The following FRMD3 variants were observed in gnomAD, a reference collection of about 807,000 sequenced individuals.
The protein encoded by FRMD3 is FERM domain containing 3, also known as FERM domain-containing protein 3.
In FRMD3, 33 loss-of-function variants were observed where a neutral mutation model predicts 70.2. The ratio of observed to expected loss-of-function variants is 0.47; its 90% CI spans 0.36 to 0.63. FRMD3 has a LOEUF of 0.63. Among genes scored for constraint, FRMD3 ranks in the 20% least tolerant of loss-of-function variants. FRMD3 has a pLI of 0.00. For synonymous variants in FRMD3, 279 were observed against 255.9 expected, an observed-to-expected ratio of 1.09 and a Z score of -0.86; for missense variants, 632 against 711.4, an observed-to-expected ratio of 0.89 and a Z score of 1.27.
chr9:83,568,901 C>G, the FRMD3 span, among the ~76,000 whole-genome samples: 3 of 150,350 alleles, frequency 2.0e-5, no homozygotes, highest in Admixed American at 2.0e-4. Context: ...ATGTGAATAA[C>G]TACAACTTGT....
chr9:83,340,837 C>A (rs1823730762), intron 5 of FRMD3, among the ~76,000 whole-genome samples: 2 of 152,288 alleles, frequency 1.3e-5, no homozygotes, highest in East Asian at 1.9e-4. Context: ...CTCAAGAAAT[C>A]CTCCTGCCTC....
intron 3 of FRMD3, among the ~76,000 whole-genome samples, chr9:83,371,978 C>G (rs1190110431): frequency 1.3e-5 from 2 of 152,194 alleles, no homozygotes; most frequent in African/African-American, 4.8e-5. Flanking sequence ...CCTGAAAACC[C>G]TGCCCAGAAC....
chr9:83,521,051 A>G (rs1205261898), intron 1 of FRMD3, among the ~76,000 whole-genome samples: 1 of 151,738 alleles, frequency 6.6e-6, no homozygotes, highest in Non-Finnish European at 1.5e-5. Context: ...AGGCAGGAGA[A>G]TCACTTGAAC....
chr9:83,288,469 T>C (rs1282041322), intron 13 of FRMD3, among the ~76,000 whole-genome samples: 1 of 152,242 alleles, frequency 6.6e-6, no homozygotes, highest in African/African-American at 2.4e-5. Flanking sequence ...GTCTATATCA[T>C]GAAAGTTGTC....
the FRMD3 span, among the ~76,000 whole-genome samples, chr9:83,571,446 C>A: frequency 6.6e-6 from 1 of 152,144 alleles, no homozygotes; most frequent in Non-Finnish European, 1.5e-5. Context: ...CTTGAGCAAC[C>A]AAAAGGATGC....
chr9:83,389,844 C>T (rs1825617083), intron 1 of FRMD3, 136 bp from the exon 2 acceptor site: 1 of 626,554 alleles, frequency 1.6e-6, no homozygotes. Context: ...GAAGGGGCTT[C>T]CAAACTCTTT....
intron 6 of FRMD3, 148 bp from the exon 7 acceptor site, chr9:83,313,895 C>G (rs1392069730): frequency 6.4e-6 from 4 of 621,148 alleles, no homozygotes; most frequent in Non-Finnish European, 2.8e-6. Flanking sequence ...ATCATTATTT[C>G]TCACCACAAG....
chr9:83,382,054 T>TAA lies in FRMD3; in HGVS notation c.252+7548_252+7549dup, dbSNP rs143155738. On this transcript the variant is annotated intron_variant, in intron 2 of 13. Coordinates refer to ENST00000304195, the MANE Select transcript of FRMD3 (RefSeq NM_174938.6). ...GATAGTTTGAAAATGCCATAGGATGTAAAAAAAAAACATGTATTACTATTT... is the reference window on the plus strand; with the variant it reads ...GATAGTTTGAAAATGCCATAGGATGTAAAAAAAAAAAACATGTATTACTATTT... Among the ~76,000 whole-genome samples, 41 of 148,834 alleles carry TAA rather than the reference T, an allele frequency of 2.8e-4. No individual in the cohort carries two copies. In the East Asian group the frequency reaches 3.7e-3, roughly 14 times the overall value.
Position 83,244,889 on chromosome 9 carries a change from TTTAC to T in FRMD3, c.*3025_*3028del. 1.0e-6 allele frequency: 1 copy of T among 959,542 alleles called. No homozygotes were observed. Among genetic ancestry groups the T allele is most frequent in the Non-Finnish European group, 1.2e-6 (1 of 828,094 alleles). 59.4% of individuals were successfully genotyped at this position (959,542 alleles called of 1,614,324 possible). On this transcript the variant is annotated 3_prime_UTR_variant, in exon 14 of 14. Transcript: ENST00000304195. ...TTTTCAAGCACAGACAAATACATAC[TTTAC>T]TTTACCTACATTGTTTTCATGATCC...
the FRMD3 span, among the ~76,000 whole-genome samples, chr9:83,565,881 T>A: frequency 6.6e-6 from 1 of 152,204 alleles, no homozygotes; most frequent in African/African-American, 2.4e-5. Context: ...AATAAGCCAC[T>A]AGTTATTCTG....
chr9:83,461,783 G>T (rs1401086823), intron 1 of FRMD3, among the ~76,000 whole-genome samples: 1 of 134,268 alleles, frequency 7.4e-6, no homozygotes, highest in Non-Finnish European at 1.5e-5. Context: ...CTGCTTCAGG[G>T]TTCAAGCAAT....
At chr9:83,468,534 T>G (rs1035624493) in intron 1 of FRMD3, among the ~76,000 whole-genome samples, 3 of 152,166 alleles carry the variant, frequency 2.0e-5, no homozygotes, top group African/African-American at 7.2e-5. Flanking sequence ...ACGGTTCATT[T>G]CTTCTCTTTA....
intron 3 of FRMD3, among the ~76,000 whole-genome samples, chr9:83,367,853 G>A (rs1353311054): frequency 3.3e-5 from 5 of 152,148 alleles, no homozygotes; most frequent in Non-Finnish European, 7.4e-5. Flanking sequence ...GAGTTGTTCT[G>A]CAGGATCTGT....
At chr9:83,574,332 A>G in the FRMD3 span, among the ~76,000 whole-genome samples, 1 of 152,210 alleles carries the variant, frequency 6.6e-6, no homozygotes, top group Admixed American at 6.5e-5. Context: ...GGAAAAACAA[A>G]ATAACTACCA....
intron 13 of FRMD3, among the ~76,000 whole-genome samples, chr9:83,273,617 A>AAAACAAAC (rs1833689673): frequency 6.8e-6 from 1 of 146,962 alleles, no homozygotes; most frequent in African/African-American, 2.6e-5. Flanking sequence ...ACTAAAAAAA[A>AAAACAAAC]AAAAAAAAAA....
chr9:83,393,922 T>C (rs888352568), intron 1 of FRMD3, among the ~76,000 whole-genome samples: 4 of 123,170 alleles, frequency 3.2e-5, no homozygotes, highest in African/African-American at 1.3e-4. Context: ...GTGTGTGTTT[T>C]TGATTTTGTT....
chr9:83,368,910 A>T (rs140529286), intron 3 of FRMD3, among the ~76,000 whole-genome samples: 1 of 152,132 alleles, frequency 6.6e-6, no homozygotes, highest in East Asian at 1.9e-4. Context: ...GCTGGAGTGC[A>T]GTGGCACCAA....
At chr9:83,368,184 C>T (rs978597813) in intron 3 of FRMD3, among the ~76,000 whole-genome samples, 2 of 152,130 alleles carry the variant, frequency 1.3e-5, no homozygotes, top group East Asian at 1.9e-4. Context: ...ACAGCACAGG[C>T]AGGTTTTTGG....
At chr9:83,368,571 T>A (rs1824865974) in intron 3 of FRMD3, among the ~76,000 whole-genome samples, 1 of 152,198 alleles carries the variant, frequency 6.6e-6, no homozygotes, top group African/African-American at 2.4e-5. Context: ...TAAAAATGTA[T>A]ACCAAATTAA....
Sources: gnomAD v4.1 joint callset for allele counts (sites outside exome capture counted in the v4.1 genomes callset) on GRCh38, gnomAD v4.1.1 for gene constraint, MANE v1.5 for transcripts, NCBI Gene and HGNC (gene_info 2026-07-23, HGNC 2026-07-21) for gene names.